The following CASQ1 variants were observed in gnomAD, a reference collection of about 807,000 sequenced individuals.
CASQ1 encodes calsequestrin-1.
A neutral mutation model predicts 49.5 loss-of-function variants in CASQ1; 40 were observed. That is an observed-to-expected ratio of 0.81 (90% CI 0.63 to 1.05). CASQ1 has a LOEUF of 1.05. CASQ1 is among the 50% of genes least tolerant of loss of function. CASQ1 has a pLI of 0.00. For missense variants in CASQ1, 469 were observed against 486.9 expected (o/e 0.96, Z 0.35); for synonymous variants, 174 against 187.2 (o/e 0.93, Z 0.58).
intron 1 of CASQ1, 69 bp from the exon 2 acceptor site, chr1:160,192,733 G>A: frequency 2.2e-6 from 3 of 1,372,896 alleles, no homozygotes; most frequent in South Asian, 2.4e-5. Context: ...CAACTTGAAA[G>A]CATGAGAGGG....
chr1:160,195,958 A>T lies in CASQ1; in HGVS notation c.713A>T (p.Glu238Val). The T allele has an allele frequency of 6.2e-7, 1 of 1,613,848 alleles. No homozygotes were observed. The highest frequency in any genetic ancestry group is 8.5e-7 in the Non-Finnish European group (1 of 1,179,804). Residue 238 changes from glutamate (E) to valine (V), a missense_variant, in exon 6 of 11, where the codon GAG (glutamate) becomes GTG (valine). Transcript: ENST00000368078. ...EIDFYEAFME[E>V]PVTIPDKPNS... ...GATTTCTACGAGGCCTTCATGGAAG[A>T]GCCTGTGACCATCCCAGACAAGCCC...
At position 160,201,492 on chromosome 1, in the gene CASQ1, C is replaced by A; in HGVS notation, c.*116C>A. 8.8e-7 allele frequency: 1 copy of A among 1,134,472 alleles called. No individual in the cohort carries two copies. The highest frequency in any genetic ancestry group is 1.3e-6 in the Non-Finnish European group (1 of 785,218). 70.3% of individuals were successfully genotyped at this position (1,134,472 alleles called of 1,614,324 possible). The stretch of plus-strand genomic sequence containing the variant: ...AGGTTATTCTCTGCCATAGAGCTAA[C>A]TGGGGTCTATATGCTGGGTGCTGAG... On this transcript the variant is annotated 3_prime_UTR_variant, in exon 11 of 11. Coordinates refer to ENST00000368078, the MANE Select transcript of CASQ1 (RefSeq NM_001231.5).
chr1:160,191,156 T>C, intron 1 of CASQ1, 126 bp downstream of exon 1: 1 of 979,458 alleles, frequency 1.0e-6, no homozygotes, highest in Admixed American at 2.7e-5. Flanking sequence ...AGGAACCCTG[T>C]CCTGACCAAC....
In CASQ1 at chr1:160,190,902, A is replaced by C. The variant is rs184949450; in HGVS notation, c.151A>C (p.Asn51His). 6.2e-7 allele frequency: 1 copy of C among 1,614,206 alleles called. No homozygotes were observed. The highest frequency in any genetic ancestry group is 2.2e-5 in the East Asian group (1 of 44,886). The change falls in exon 1 of 11, where the codon AAT becomes CAT. Residue 51 changes from asparagine (N) to histidine (H), a missense_variant. Transcript: ENST00000368078. ...PEYDGVDRVI[N>H]VNAKNYKNVF... ...GTACGATGGTGTGGACCGTGTGATC[A>C]ATGTCAATGCAAAGAACTACAAGAA...
At chr1:160,195,437 C>T in intron 4 of CASQ1, 24 bp from the exon 5 acceptor site, 1 of 1,608,784 alleles carries the variant, frequency 6.2e-7, no homozygotes, top group Non-Finnish European at 8.5e-7. Context: ...TCCCCAGAGA[C>T]TGACTCTGCA....
intron 3 of CASQ1, among the ~76,000 whole-genome samples, chr1:160,194,692 C>T (rs1654176182): frequency 6.6e-6 from 1 of 151,240 alleles, no homozygotes; most frequent in Non-Finnish European, 1.5e-5. Context: ...CCACACATCA[C>T]CTACATACCG....
At position 160,190,889 on chromosome 1, in the gene CASQ1, G is replaced by A. The variant is rs2101669920; in HGVS notation, c.138G>A (p.Val46=). Residue 46 remains valine (V), a synonymous_variant, in exon 1 of 11, where the codon GTG becomes GTA. Coordinates refer to ENST00000368078, the MANE Select transcript of CASQ1 (RefSeq NM_001231.5). ...EGLDFPEYDG[V]DRVINVNAKN... is the part of the protein sequence containing the mutation. The stretch of plus-strand genomic sequence containing the variant: ...TGGACTTCCCTGAGTACGATGGTGT[G>A]GACCGTGTGATCAATGTCAATGCAA... 3 of 1,614,206 alleles carry A rather than the reference G, an allele frequency of 1.9e-6. No individual in the cohort carries two copies. Among genetic ancestry groups the A allele is most frequent in the Non-Finnish European group, 2.5e-6 (3 of 1,180,036 alleles).
At chr1:160,191,953 G>C (rs73025593) in intron 1 of CASQ1, among the ~76,000 whole-genome samples, 2,493 of 152,240 alleles carry the variant, frequency 0.016, 73 homozygotes, top group African/African-American at 0.056. Flanking sequence ...AATGAGCCGA[G>C]TATTTTTATC....
intron 5 of CASQ1, 116 bp downstream of exon 5, chr1:160,195,650 C>T (rs2101674787): frequency 2.3e-6 from 2 of 855,408 alleles, no homozygotes; most frequent in Middle Eastern, 2.6e-4. Flanking sequence ...CACTCCCTAC[C>T]TGCCCCCCCC....
intron 10 of CASQ1, 94 bp from the exon 11 acceptor site, chr1:160,201,151 G>A: frequency 7.7e-7 from 1 of 1,298,218 alleles, no homozygotes; most frequent in Non-Finnish European, 1.1e-6. Context: ...GACTGAGAAT[G>A]TAGGGAAGGA....
intron 6 of CASQ1, among the ~76,000 whole-genome samples, 199 bp downstream of exon 6, chr1:160,196,226 C>T (rs1303160800): frequency 6.6e-6 from 1 of 152,110 alleles, no homozygotes; most frequent in Non-Finnish European, 1.5e-5. Flanking sequence ...GCCCTGAGCC[C>T]TACACCGAGA....
chr1:160,196,026 A>C lies in CASQ1; in HGVS notation c.781A>C (p.Arg261=), dbSNP rs1330221864. ...TGTCAACTTCGTGGAGGAGCACAGG[A>C]GGTGGGGACCAAGGGCAACCCTCTC... ...EIVNFVEEHR[R]STLRKLKPES... is the part of the protein sequence containing the mutation. The change falls in exon 6 of 11, where the codon AGA becomes CGA. Residue 261 remains arginine (R), a splice_region_variant and synonymous_variant. Transcript: ENST00000368078. 6 of 1,613,708 alleles carry C rather than the reference A, an allele frequency of 3.7e-6. No individual in the cohort carries two copies. Among genetic ancestry groups the C allele is most frequent in the Non-Finnish European group, 5.1e-6 (6 of 1,179,806 alleles).
At chr1:160,191,973 C>T (rs1476143794) in intron 1 of CASQ1, among the ~76,000 whole-genome samples, 1 of 152,202 alleles carries the variant, frequency 6.6e-6, no homozygotes, top group Non-Finnish European at 1.5e-5. Context: ...CCTGAGTGCT[C>T]AGTATCCCTG....
Position 160,192,840 on chromosome 1 carries a change from C to G in CASQ1, c.318C>G (p.Phe106Leu). ...AQVLEDKGVG[F>L]GLVDSEKDAA... is the part of the protein sequence containing the mutation. ...TCCTAGAAGACAAGGGTGTTGGCTTCGGGCTGGTAGACTCTGAGAAGGATG... is the reference window on the plus strand; with the variant it reads ...TCCTAGAAGACAAGGGTGTTGGCTTGGGGCTGGTAGACTCTGAGAAGGATG... The change falls in exon 2 of 11, where the codon TTC (phenylalanine) becomes TTG (leucine). Residue 106 changes from phenylalanine (F) to leucine (L), a missense_variant. Coordinates refer to ENST00000368078, the MANE Select transcript of CASQ1 (RefSeq NM_001231.5). The G allele has an allele frequency of 6.2e-7, 1 of 1,613,552 alleles. No individual in the cohort carries two copies. Among genetic ancestry groups the G allele is most frequent in the Non-Finnish European group, 8.5e-7 (1 of 1,179,700 alleles).
At chr1:160,197,466 C>T in intron 6 of CASQ1, 103 bp from the exon 7 acceptor site, 1 of 825,262 alleles carries the variant, frequency 1.2e-6, no homozygotes, top group Non-Finnish European at 2.1e-6. Flanking sequence ...TACAAGCTGT[C>T]TGTGCCCTGG....
chr1:160,190,893 C>T lies in CASQ1; in HGVS notation c.142C>T (p.Arg48Cys), dbSNP rs1207649338. ...CTTCCCTGAGTACGATGGTGTGGAC[C>T]GTGTGATCAATGTCAATGCAAAGAA... is the stretch of plus-strand genomic sequence containing the variant. Reference protein sequence around the residue: ...LDFPEYDGVDRVINVNAKNYK... With the variant: ...LDFPEYDGVDCVINVNAKNYK... The change falls in exon 1 of 11, where the codon CGT becomes TGT. Residue 48 changes from arginine to cysteine, a missense_variant. Coordinates refer to ENST00000368078, the MANE Select transcript of CASQ1 (RefSeq NM_001231.5). 4 of 1,614,002 alleles carry T rather than the reference C, an allele frequency of 2.5e-6. No individual in the cohort carries two copies. Among genetic ancestry groups the T allele is most frequent in the East Asian group, 2.2e-5 (1 of 44,898 alleles).
chr1:160,196,044 A>G lies in CASQ1; in HGVS notation c.782+17A>G. On this transcript the variant is annotated intron_variant, in intron 6 of 10. Transcript: ENST00000368078. ...GCACAGGAGGTGGGGACCAAGGGCA[A>G]CCCTCTCAGCGGGGTCGGCTCCTCC... The G allele has an allele frequency of 6.2e-7, 1 of 1,612,748 alleles. No homozygotes were observed. Among genetic ancestry groups the G allele is most frequent in the Non-Finnish European group, 8.5e-7 (1 of 1,179,348 alleles).
chr1:160,198,633 A>G, intron 7 of CASQ1, 44 bp from the exon 8 acceptor site: 1 of 1,456,172 alleles, frequency 6.9e-7, no homozygotes, highest in Non-Finnish European at 9.7e-7. Context: ...GGAGTATAGT[A>G]AGGTCTTCTC....
Position 160,199,921 on chromosome 1 carries a change from C to T in CASQ1, c.1055C>T (p.Thr352Ile), listed in dbSNP as rs760410996. Residue 352 changes from threonine (T) to isoleucine (I), a missense_variant, in exon 10 of 11, where the codon ACT becomes ATT. Physicochemically the swap from Thr to Ile is moderately conservative, Grantham distance 89. Coordinates refer to ENST00000368078, the MANE Select transcript of CASQ1 (RefSeq NM_001231.5). The part of the protein sequence containing the change: ...SAPQIGVVNV[T>I]DADSVWMEMD... ...CCACAAATAGGAGTCGTCAATGTTACTGATGTGAGTTTCCTGTCCTCATCC... is the reference window on the plus strand; with the variant it reads ...CCACAAATAGGAGTCGTCAATGTTATTGATGTGAGTTTCCTGTCCTCATCC... 1.2e-6 allele frequency: 2 copies of T among 1,608,864 alleles called. No homozygotes were observed. The highest frequency in any genetic ancestry group is 1.3e-5 in the African/African-American group (1 of 74,810).
Sources: gnomAD v4.1 joint callset for allele counts (sites outside exome capture counted in the v4.1 genomes callset) on GRCh38, gnomAD v4.1.1 for gene constraint, MANE v1.5 for transcripts, NCBI Gene and HGNC (gene_info 2026-07-23, HGNC 2026-07-21) for gene names.